Variants in NBAS observed in about 807,000 individuals in gnomAD.
NBAS encodes NBAS subunit of NRZ tethering complex, also known as NAG/BC035112 fusion.
Under a neutral mutation model 302.5 loss-of-function variants are expected in NBAS, and 219 were observed. The ratio of observed to expected loss-of-function variants is 0.72; its 90% confidence interval spans 0.65 to 0.81. NBAS has a LOEUF of 0.81. Ranked by LOEUF, NBAS falls within the 30% of genes least tolerant of loss-of-function variation. The pLI, the probability that NBAS is intolerant of heterozygous loss-of-function variation, is 0.00. For missense variants in NBAS, 2,932 were observed against 2,841.6 expected (o/e 1.03, Z -0.72); for synonymous variants, 1,118 against 1,021.6 (o/e 1.09, Z -1.80).
In NBAS at chr2:15,477,713, A is replaced by G. The variant is rs1680251091; in HGVS notation, c.1147+513T>C. Among the ~76,000 whole-genome samples the G allele has an allele frequency of 3.3e-5, 5 of 152,378 alleles. 1 individual carries two copies. The South Asian group carries it at 1.0e-3, about 32-fold the overall frequency. Reference sequence around the variant, plus strand: ...AAAAAATCTCAAAAGTAACCCCTACAGGATTTTATAATATCTCTGTTTCAA... The same window carrying G: ...AAAAAATCTCAAAAGTAACCCCTACGGGATTTTATAATATCTCTGTTTCAA... On this transcript the variant is annotated intron_variant, in intron 13 of 51. Transcript: ENST00000281513.
At chr2:15,009,110 G>C in the NBAS span, among the ~76,000 whole-genome samples, 18 of 152,308 alleles carry the variant, frequency 1.2e-4, no homozygotes, top group African/African-American at 4.1e-4. Context: ...CATCAAGAAT[G>C]ACCTTTGCTA....
chr2:15,231,556 A>C (rs1261778632), intron 47 of NBAS, among the ~76,000 whole-genome samples: 1 of 152,224 alleles, frequency 6.6e-6, no homozygotes, highest in Non-Finnish European at 1.5e-5. Context: ...GCCGTTAGAA[A>C]TAATAATCAC....
At chr2:14,784,254 C>G in the NBAS span, among the ~76,000 whole-genome samples, 1 of 152,070 alleles carries the variant, frequency 6.6e-6, no homozygotes, top group African/African-American at 2.4e-5. Flanking sequence ...AAATGTTCTC[C>G]CATTTTGTAG....
chr2:15,348,927 A>C (rs1420275644), intron 35 of NBAS, among the ~76,000 whole-genome samples: 3 of 152,196 alleles, frequency 2.0e-5, no homozygotes, highest in African/African-American at 7.2e-5. Context: ...GGGAATATAG[A>C]GAACGGGGCA....
chr2:15,121,653 T>C, the NBAS span, among the ~76,000 whole-genome samples: 1 of 152,166 alleles, frequency 6.6e-6, no homozygotes. Flanking sequence ...GTAGTATTCA[T>C]AGTACTGGGT....
chr2:14,793,258 T>C, the NBAS span, among the ~76,000 whole-genome samples: 1 of 152,206 alleles, frequency 6.6e-6, no homozygotes, highest in Non-Finnish European at 1.5e-5. Context: ...CTATGGTATT[T>C]TGTTATGGCA....
the NBAS span, among the ~76,000 whole-genome samples, chr2:14,971,664 A>G: frequency 6.6e-6 from 1 of 152,080 alleles, no homozygotes; most frequent in South Asian, 2.1e-4. Context: ...CCCATCACCA[A>G]TTTGACTACT....
the NBAS span, among the ~76,000 whole-genome samples, chr2:14,818,175 G>A: frequency 6.6e-6 from 1 of 152,062 alleles, no homozygotes; most frequent in East Asian, 1.9e-4. Context: ...TGGAACCATG[G>A]TTTCTTTAGA....
At chr2:15,134,197 C>T in the NBAS span, among the ~76,000 whole-genome samples, 3 of 151,964 alleles carry the variant, frequency 2.0e-5, no homozygotes, top group Non-Finnish European at 4.4e-5. Flanking sequence ...GATGATGAGG[C>T]TGAAGCACTC....
At chr2:15,089,860 T>C in the NBAS span, among the ~76,000 whole-genome samples, 1 of 149,376 alleles carries the variant, frequency 6.7e-6, no homozygotes, top group Admixed American at 6.7e-5. Context: ...GCGATTCTCC[T>C]GCCTCAGCCT....
chr2:15,290,018 AGAGAGGAGAAGAGAG>A (rs1433061090), intron 41 of NBAS, among the ~76,000 whole-genome samples: 1 of 149,748 alleles, frequency 6.7e-6, no homozygotes, highest in Non-Finnish European at 1.5e-5. Context: ...AGAAAAAAGA[AGAGAGGAGAAGAGAG>A]GAGAGGAGAA....
At chr2:14,854,242 A>G in the NBAS span, among the ~76,000 whole-genome samples, 1 of 152,034 alleles carries the variant, frequency 6.6e-6, no homozygotes. Flanking sequence ...AAAACTTCAA[A>G]TAAACAACCT....
intron 26 of NBAS, among the ~76,000 whole-genome samples, chr2:15,399,798 C>T (rs1224419365): frequency 2.2e-5 from 2 of 92,926 alleles, no homozygotes; most frequent in African/African-American, 7.2e-5. Context: ...ATATTGAAAT[C>T]TTCTTTAAAA....
the NBAS span, among the ~76,000 whole-genome samples, chr2:15,044,686 T>C: frequency 6.6e-6 from 1 of 152,222 alleles, no homozygotes; most frequent in Non-Finnish European, 1.5e-5. Flanking sequence ...TTATAATCTA[T>C]GCTCTGCTCA....
At chr2:15,513,223 A>T (rs1662224585) in intron 9 of NBAS, among the ~76,000 whole-genome samples, 1 of 152,194 alleles carries the variant, frequency 6.6e-6, no homozygotes, top group Non-Finnish European at 1.5e-5. Context: ...ACAAATTTTC[A>T]TCTCAGCAAA....
At chr2:15,389,033 T>C (rs1366711253) in intron 28 of NBAS, among the ~76,000 whole-genome samples, 3 of 152,214 alleles carry the variant, frequency 2.0e-5, no homozygotes, top group Non-Finnish European at 2.9e-5. Context: ...GAGCTTTTTA[T>C]ACACATGGAT....
At chr2:15,108,253 G>A in the NBAS span, among the ~76,000 whole-genome samples, 1 of 152,022 alleles carries the variant, frequency 6.6e-6, no homozygotes, top group East Asian at 1.9e-4. Flanking sequence ...ACTGTGTGCT[G>A]GGCACTTTTA....
intron 48 of NBAS, among the ~76,000 whole-genome samples, chr2:15,217,680 C>A (rs1558446276): frequency 6.6e-6 from 1 of 152,204 alleles, no homozygotes; most frequent in African/African-American, 2.4e-5. Flanking sequence ...GACGCTATGG[C>A]CTCAGGTGCA....
At chr2:15,101,310 G>A in the NBAS span, among the ~76,000 whole-genome samples, 442 of 152,008 alleles carry the variant, frequency 2.9e-3, 1 homozygote, top group African/African-American at 0.01. Context: ...AAAAGTGAGA[G>A]CAAAGAAAGA....
Sources: gnomAD v4.1 joint callset for allele counts (sites outside exome capture counted in the v4.1 genomes callset) on GRCh38, gnomAD v4.1.1 for gene constraint, MANE v1.5 for transcripts, NCBI Gene and HGNC (gene_info 2026-07-23, HGNC 2026-07-21) for gene names.